SEM1: variants seen among roughly 807,000 people sequenced by gnomAD.
SEM1 encodes the protein SEM1 26S proteasome subunit.
In SEM1, 3 loss-of-function variants were observed where a neutral mutation model predicts 12.7. The observed-to-expected ratio is 0.24, with a 90% CI of 0.11 to 0.61. The LOEUF is 0.61. Ranked by LOEUF, SEM1 falls within the 20% of genes least tolerant of loss-of-function variation. The pLI is 0.88. For missense variants in SEM1, 59 were observed against 81.3 expected, an observed-to-expected ratio of 0.73 and a Z score of 1.06; for synonymous variants, 30 against 27.8, an observed-to-expected ratio of 1.08 and a Z score of -0.25.
exon 3 of SEM1, chr7:96,673,519 T>A: frequency 2.0e-6 from 1 of 499,764 alleles, no homozygotes; most frequent in Non-Finnish European, 3.6e-6. Context: ...ACAGGAAGTA[T>A]CATAATCTCT....
At chr7:96,676,635 C>T (rs987496845) in intron 2 of SEM1, among the ~76,000 whole-genome samples, 5 of 152,164 alleles carry the variant, frequency 3.3e-5, no homozygotes, top group African/African-American at 9.7e-5. Context: ...AGAGATATCA[C>T]GGAACGGTAA....
chr7:96,656,267 A>G (rs1809176486), intron 2 of SEM1, among the ~76,000 whole-genome samples: 1 of 152,074 alleles, frequency 6.6e-6, no homozygotes. Context: ...CAAGTCTCCA[A>G]ATTCTTAGTT....
chr7:96,600,378 G>A (rs1195097741), intron 2 of SEM1, among the ~76,000 whole-genome samples: 1 of 152,200 alleles, frequency 6.6e-6, no homozygotes, highest in Non-Finnish European at 1.5e-5. Flanking sequence ...TGCTGAAAGT[G>A]ATTTAGCAGA....
intron 2 of SEM1, among the ~76,000 whole-genome samples, chr7:96,576,570 CAT>C (rs919343111): frequency 2.3e-4 from 35 of 152,204 alleles, no homozygotes; most frequent in African/African-American, 5.5e-4. Flanking sequence ...TATAATTTCA[CAT>C]ATGTTTAATT....
At chr7:96,614,690 G>C (rs1414707514) in intron 2 of SEM1, among the ~76,000 whole-genome samples, 1 of 152,176 alleles carries the variant, frequency 6.6e-6, no homozygotes, top group Non-Finnish European at 1.5e-5. Flanking sequence ...AAAGCTTTGG[G>C]TTCTCTATTG....
chr7:96,553,553 T>C (rs1484457026), intron 2 of SEM1, among the ~76,000 whole-genome samples: 1 of 152,168 alleles, frequency 6.6e-6, no homozygotes, highest in Non-Finnish European at 1.5e-5. Flanking sequence ...CATTGATCTA[T>C]ATCTCTGTTT....
intron 2 of SEM1, 151 bp from the exon 3 acceptor site, chr7:96,689,117 A>G (rs541012723): frequency 3.9e-6 from 2 of 518,732 alleles, no homozygotes; most frequent in Admixed American, 7.5e-5. Flanking sequence ...CTGAAAAAAA[A>G]ACATAAGAAA....
At chr7:96,511,729 A>T (rs1166734516) in intron 2 of SEM1, among the ~76,000 whole-genome samples, 1 of 152,154 alleles carries the variant, frequency 6.6e-6, no homozygotes, top group Non-Finnish European at 1.5e-5. Context: ...TGATGGTAGC[A>T]TGAAGAGTAA....
intron 2 of SEM1, among the ~76,000 whole-genome samples, chr7:96,693,792 A>G (rs9632686): frequency 0.23 from 25,803 of 114,344 alleles, 2,218 homozygotes; most frequent in African/African-American, 0.29. Flanking sequence ...GTGTGTGTGT[A>G]TATATATATA....
chr7:96,659,454 A>T (rs1788910455), intron 2 of SEM1, among the ~76,000 whole-genome samples: 2 of 152,230 alleles, frequency 1.3e-5, no homozygotes, highest in African/African-American at 4.8e-5. Context: ...ATCATAACTA[A>T]AAGATCTTTA....
At chr7:96,597,140 C>CT in intron 2 of SEM1, among the ~76,000 whole-genome samples, 1 of 152,122 alleles carries the variant, frequency 6.6e-6, no homozygotes, top group East Asian at 1.9e-4. Context: ...TGCCACTGAG[C>CT]ATACTGTCAT....
At chr7:96,571,717 C>G (rs1165883466) in intron 2 of SEM1, among the ~76,000 whole-genome samples, 1 of 151,862 alleles carries the variant, frequency 6.6e-6, no homozygotes, top group Non-Finnish European at 1.5e-5. Flanking sequence ...TGAGGATTTT[C>G]AAATCAATGT....
At chr7:96,592,999 T>TTTAAA (rs60512379) in intron 2 of SEM1, among the ~76,000 whole-genome samples, 10 of 128,084 alleles carry the variant, frequency 7.8e-5, no homozygotes, top group Non-Finnish European at 1.3e-4. Context: ...TCTCCCATAT[T>TTTAAA]AAAAAAAAAA....
intron 1 of SEM1, among the ~76,000 whole-genome samples, chr7:96,702,117 T>C (rs946679143): frequency 2.0e-5 from 3 of 151,984 alleles, no homozygotes; most frequent in Non-Finnish European, 2.9e-5. Flanking sequence ...AGACAATACA[T>C]TGAAGATAAT....
chr7:96,694,960 A>G (rs1790043048), intron 1 of SEM1, 69 bp from the exon 2 acceptor site: 3 of 1,172,634 alleles, frequency 2.6e-6, no homozygotes, highest in South Asian at 1.3e-5. Flanking sequence ...AAAACTTTGA[A>G]AAGCTTGCTA....
chr7:96,656,661 A>G (rs1809190835), intron 2 of SEM1: 1 of 152,034 alleles, frequency 6.6e-6, no homozygotes, highest in Admixed American at 6.6e-5. Context: ...GTCTTGGTAC[A>G]ACAAAATCAT....
intron 2 of SEM1, among the ~76,000 whole-genome samples, chr7:96,582,966 A>G (rs1213583034): frequency 6.6e-6 from 1 of 152,018 alleles, no homozygotes; most frequent in East Asian, 1.9e-4. Flanking sequence ...TTGTGTCTCT[A>G]TTCCCTTCAG....
At chr7:96,520,755 T>C (rs753129483) in intron 2 of SEM1, among the ~76,000 whole-genome samples, 1 of 152,130 alleles carries the variant, frequency 6.6e-6, no homozygotes, top group African/African-American at 2.4e-5. Context: ...TGTTCCAGCA[T>C]CTGCTCCCAG....
At chr7:96,554,902 A>T (rs1805428801) in intron 2 of SEM1, among the ~76,000 whole-genome samples, 1 of 143,758 alleles carries the variant, frequency 7.0e-6, no homozygotes, top group Non-Finnish European at 1.5e-5. Context: ...TCAGAGATTC[A>T]ACTTTTTCCT....
Sources: allele counts gnomAD v4.1 joint callset (sites outside exome capture counted in the v4.1 genomes callset), GRCh38; gene constraint gnomAD v4.1.1; transcripts MANE v1.5; gene names NCBI Gene and HGNC (gene_info 2026-07-23, HGNC 2026-07-21).